The following CACNA2D1 variants were observed in gnomAD, a reference collection of about 807,000 sequenced individuals.
CACNA2D1 encodes the protein voltage-dependent calcium channel subunit alpha-2/delta-1.
CACNA2D1 carries 53 observed loss-of-function variants against 171.5 expected under a neutral mutation model. The ratio of observed to expected loss-of-function variants is 0.31; its 90% CI spans 0.25 to 0.39. CACNA2D1 has a LOEUF of 0.39. CACNA2D1 is among the 10% of genes least tolerant of loss of function. The pLI is 1.00. For synonymous variants in CACNA2D1, 442 were observed against 443.1 expected (o/e 1.00, Z 0.03); for missense variants, 903 against 1,299.8 (o/e 0.69, Z 4.69).
At chr7:82,175,925 C>T (rs534157666) in intron 3 of CACNA2D1, among the ~76,000 whole-genome samples, 3 of 142,614 alleles carry the variant, frequency 2.1e-5, no homozygotes, top group East Asian at 2.0e-4. Flanking sequence ...TACATATGAG[C>T]GAAATAAATG....
At chr7:81,955,058 T>C (rs1436318497) in intron 38 of CACNA2D1, among the ~76,000 whole-genome samples, 1 of 152,174 alleles carries the variant, frequency 6.6e-6, no homozygotes, top group Non-Finnish European at 1.5e-5. Context: ...TGGACAGAAT[T>C]GGCTTGCTTT....
intron 3 of CACNA2D1, among the ~76,000 whole-genome samples, chr7:82,303,208 A>G (rs953082296): frequency 6.6e-6 from 1 of 152,066 alleles, no homozygotes; most frequent in Non-Finnish European, 1.5e-5. Context: ...TATGTTAGCC[A>G]GGATGGTCTC....
chr7:82,170,552 C>A lies in CACNA2D1; in HGVS notation c.352G>T (p.Ala118Ser), dbSNP rs777936831. 6 of 1,612,164 alleles carry A rather than the reference C, an allele frequency of 3.7e-6. No homozygotes were observed. Among genetic ancestry groups the A allele is most frequent in the South Asian group, 2.2e-5 (2 of 91,046 alleles). The change falls in exon 4 of 39, where the codon GCA becomes TCA. Residue 118 changes from alanine (A) to serine (S), a missense_variant and splice_region_variant. By Grantham distance (99) the Ala-to-Ser change is moderately conservative. Coordinates refer to ENST00000356860, the MANE Select transcript of CACNA2D1 (RefSeq NM_000722.4). ...QAAHQWREDFASNEVVYYNAK... is the reference protein window; with the variant it reads ...QAAHQWREDFSSNEVVYYNAK... ...AAGTAGTTAAAAGGGGTTCTTACTGCAAAATCTTCTCTCCACTGGTGAGCT... is the reference window on the plus strand; with the variant it reads ...AAGTAGTTAAAAGGGGTTCTTACTGAAAAATCTTCTCTCCACTGGTGAGCT...
At chr7:82,100,646 G>A (rs569487112) in intron 6 of CACNA2D1, among the ~76,000 whole-genome samples, 1 of 152,228 alleles carries the variant, frequency 6.6e-6, no homozygotes, top group East Asian at 1.9e-4. Context: ...CAGCTTGCTG[G>A]AAAGATTTCT....
At chr7:82,079,912 G>A (rs1584667152) in intron 7 of CACNA2D1, among the ~76,000 whole-genome samples, 1 of 151,916 alleles carries the variant, frequency 6.6e-6, no homozygotes, top group South Asian at 2.1e-4. Flanking sequence ...TGTTAGGTGA[G>A]GCTTTGTTAA....
Position 81,950,178 on chromosome 7 carries a change from G to C in CACNA2D1, c.*214C>G, listed in dbSNP as rs961086786. Reference sequence around the variant, plus strand: ...GGATTTTGCTTTGATGTTACACATAGATGATGCAGCATTCACACACGTTTA... The same window carrying C: ...GGATTTTGCTTTGATGTTACACATACATGATGCAGCATTCACACACGTTTA... On this transcript the variant is annotated 3_prime_UTR_variant, in exon 39 of 39. Coordinates refer to ENST00000356860, the MANE Select transcript of CACNA2D1 (RefSeq NM_000722.4). The C allele has an allele frequency of 1.6e-5, 12 of 759,006 alleles. No homozygotes were observed. Among genetic ancestry groups the C allele is most frequent in the Non-Finnish European group, 2.3e-5 (11 of 481,458 alleles). 47.0% of individuals were successfully genotyped at this position (759,006 alleles called of 1,614,324 possible).
At chr7:82,020,678 A>T (rs1046697478) in intron 12 of CACNA2D1, 1 of 152,124 alleles carries the variant, frequency 6.6e-6, no homozygotes, top group African/African-American at 2.4e-5. Context: ...ACACCTTCCT[A>T]GATGAGCAAA....
intron 1 of CACNA2D1, among the ~76,000 whole-genome samples, chr7:82,379,434 A>G (rs1823435237): frequency 6.6e-6 from 1 of 152,234 alleles, no homozygotes. Context: ...TATTTTAACA[A>G]ATACAAACAT....
intron 7 of CACNA2D1, among the ~76,000 whole-genome samples, chr7:82,073,599 A>G (rs1346218474): frequency 6.6e-6 from 1 of 151,228 alleles, no homozygotes; most frequent in African/African-American, 2.4e-5. Context: ...TATTTTATTT[A>G]TTTTATTTTA....
chr7:82,063,992 G>A (rs1807285560), intron 9 of CACNA2D1, among the ~76,000 whole-genome samples: 1 of 151,562 alleles, frequency 6.6e-6, no homozygotes, highest in South Asian at 2.1e-4. Flanking sequence ...CCAAGTAGCT[G>A]GAACTACAGG....
At chr7:81,961,725 A>G (rs1794146811) in intron 36 of CACNA2D1, among the ~76,000 whole-genome samples, 169 bp downstream of exon 36, 1 of 152,036 alleles carries the variant, frequency 6.6e-6, no homozygotes, top group Non-Finnish European at 1.5e-5. Flanking sequence ...CAGAGAAACT[A>G]AAGATTGCTG....
At chr7:82,265,751 C>A (rs2129340436) in intron 3 of CACNA2D1, among the ~76,000 whole-genome samples, 1 of 152,144 alleles carries the variant, frequency 6.6e-6, no homozygotes, top group South Asian at 2.1e-4. Flanking sequence ...ATTTGCAGCC[C>A]ATTTTCTGTT....
At position 82,443,561 on chromosome 7, in the gene CACNA2D1, CG is replaced by C. The variant is rs1488670745; in HGVS notation, c.-103del. 1.3e-6 allele frequency: 2 copies of C among 1,514,170 alleles called. No homozygotes were observed. Among genetic ancestry groups the C allele is most frequent in the Non-Finnish European group, 1.8e-6 (2 of 1,129,662 alleles). 93.8% of individuals were successfully genotyped at this position (1,514,170 alleles called of 1,614,324 possible). A position where few individuals can be genotyped will look rare whatever the true frequency, so the allele number is the denominator to read the frequency against. ...AGAGCAGCACACGCCGCCGGGACCG[CG>C]GGCGTCTGGAGGGCTGGCTGCGCCC... On this transcript the variant is annotated 5_prime_UTR_variant, in exon 1 of 39. Transcript: ENST00000356860.
chr7:82,194,359 A>G (rs991300330), intron 3 of CACNA2D1, among the ~76,000 whole-genome samples: 2 of 152,046 alleles, frequency 1.3e-5, no homozygotes, highest in African/African-American at 4.8e-5. Context: ...ATGCAGGGAT[A>G]GCAAAATATG....
chr7:82,033,426 C>T (rs556123176), intron 11 of CACNA2D1, among the ~76,000 whole-genome samples: 3 of 151,964 alleles, frequency 2.0e-5, no homozygotes, highest in Non-Finnish European at 4.4e-5. Context: ...ATTTTATGCA[C>T]ATATGATTTT....
At chr7:82,154,875 C>T (rs899087852) in intron 4 of CACNA2D1, among the ~76,000 whole-genome samples, 2 of 152,060 alleles carry the variant, frequency 1.3e-5, no homozygotes, top group Non-Finnish European at 1.5e-5. Context: ...TTTGGATCTA[C>T]GTCCCCACCC....
In CACNA2D1 at chr7:82,443,774, C is replaced by A. The variant is rs908112032; in HGVS notation, c.-315G>T. 2.8e-6 allele frequency: 3 copies of A among 1,057,306 alleles called. No homozygotes were observed. Among genetic ancestry groups the A allele is most frequent in the South Asian group, 4.8e-5 (1 of 20,892 alleles). 65.5% of individuals were successfully genotyped at this position (1,057,306 alleles called of 1,614,324 possible). ...GAGCCCGCCGGCGCTCGCGCGCTCT[C>A]GCTCTCCCTCTCGGTTTCCTCCCTG... On this transcript the variant is annotated 5_prime_UTR_variant, in exon 1 of 39. Transcript: ENST00000356860.
chr7:82,174,769 T>G (rs905708481), intron 3 of CACNA2D1, among the ~76,000 whole-genome samples: 2 of 152,100 alleles, frequency 1.3e-5, no homozygotes, highest in African/African-American at 4.8e-5. Context: ...GGAACCATCT[T>G]TACAGGTCTT....
chr7:82,239,413 C>T (rs1022965405), intron 3 of CACNA2D1, among the ~76,000 whole-genome samples: 8 of 152,132 alleles, frequency 5.3e-5, no homozygotes, highest in East Asian at 3.9e-4. Context: ...ACTCAGCAGA[C>T]CCCACGTCCC....
Sources: gnomAD v4.1 joint callset for allele counts (sites outside exome capture counted in the v4.1 genomes callset) on GRCh38, gnomAD v4.1.1 for gene constraint, MANE v1.5 for transcripts, NCBI Gene and HGNC (gene_info 2026-07-23, HGNC 2026-07-21) for gene names.